AK4: variants seen among roughly 807,000 people sequenced by gnomAD.
The protein encoded by AK4 is adenylate kinase 4, also known as adenylate kinase 4, mitochondrial.
Under a neutral mutation model 24.6 loss-of-function variants are expected in AK4, and 13 were observed. The ratio of observed to expected loss-of-function variants is 0.53; its 90% CI spans 0.34 to 0.84. The LOEUF is 0.84. Among genes scored for constraint, AK4 ranks in the 40% least tolerant of loss-of-function variants. AK4 has a pLI of 0.01. For missense variants in AK4, 192 were observed against 288.2 expected, an observed-to-expected ratio of 0.67 and a Z score of 2.42; for synonymous variants, 88 against 107.0, an observed-to-expected ratio of 0.82 and a Z score of 1.10.
At chr1:65,193,672 C>T (rs1448121655) in intron 2 of AK4, among the ~76,000 whole-genome samples, 1 of 152,214 alleles carries the variant, frequency 6.6e-6, no homozygotes, top group Admixed American at 6.5e-5. Flanking sequence ...CATGCTTACT[C>T]AAGCCCCACG....
At chr1:65,193,947 C>A (rs1270825240) in intron 2 of AK4, among the ~76,000 whole-genome samples, 1 of 152,154 alleles carries the variant, frequency 6.6e-6, no homozygotes, top group African/African-American at 2.4e-5. Context: ...CAAAAATTAG[C>A]CGGGTGTGGT....
At chr1:65,176,017 A>G (rs950221648) in intron 1 of AK4, among the ~76,000 whole-genome samples, 1 of 152,210 alleles carries the variant, frequency 6.6e-6, no homozygotes, top group Non-Finnish European at 1.5e-5. Context: ...TTTTTGGCTT[A>G]TGAAGCTCCA....
intron 3 of AK4, among the ~76,000 whole-genome samples, chr1:65,224,142 A>G (rs1346009737): frequency 6.6e-6 from 1 of 152,224 alleles, no homozygotes; most frequent in Non-Finnish European, 1.5e-5. Flanking sequence ...CTTTTGAGTA[A>G]TATAATTTAG....
chr1:65,216,632 T>G (rs933630217), intron 2 of AK4, among the ~76,000 whole-genome samples: 1 of 145,226 alleles, frequency 6.9e-6, no homozygotes, highest in Non-Finnish European at 1.5e-5. Flanking sequence ...ACCTTTCTTT[T>G]TTTTTCTTTT....
chr1:65,199,690 G>T (rs1036051702), intron 2 of AK4, among the ~76,000 whole-genome samples: 1 of 152,236 alleles, frequency 6.6e-6, no homozygotes, highest in Admixed American at 6.5e-5. Context: ...TAAAACCCAA[G>T]ACCTATGTTT....
At chr1:65,199,367 G>A (rs949459453) in intron 2 of AK4, among the ~76,000 whole-genome samples, 11 of 152,250 alleles carry the variant, frequency 7.2e-5, no homozygotes, top group Non-Finnish European at 1.2e-4. Flanking sequence ...GGCCAACATG[G>A]TGAAACCCCA....
At chr1:65,215,958 A>T (rs183346435) in intron 2 of AK4, among the ~76,000 whole-genome samples, 1 of 152,320 alleles carries the variant, frequency 6.6e-6, no homozygotes, top group East Asian at 1.9e-4. Flanking sequence ...TCAAGGTCAC[A>T]GTTAGTGATG....
intron 2 of AK4, among the ~76,000 whole-genome samples, chr1:65,191,626 A>G (rs775182169): frequency 6.6e-6 from 1 of 151,678 alleles, no homozygotes; most frequent in Non-Finnish European, 1.5e-5. Context: ...TGAGCCTGCA[A>G]GCAGAGGTTG....
intron 1 of AK4, among the ~76,000 whole-genome samples, chr1:65,153,872 G>T (rs770525985): frequency 1.3e-5 from 2 of 152,122 alleles, no homozygotes; most frequent in Non-Finnish European, 2.9e-5. Flanking sequence ...TTAGCATAGC[G>T]TGTCTGAGGA....
At chr1:65,198,266 C>T (rs2101051994) in intron 2 of AK4, among the ~76,000 whole-genome samples, 1 of 152,310 alleles carries the variant, frequency 6.6e-6, no homozygotes, top group Non-Finnish European at 1.5e-5. Context: ...TGGAGCTCTA[C>T]TAGGGTGCTG....
At chr1:65,172,855 ATTTT>A (rs11408059) in intron 1 of AK4, among the ~76,000 whole-genome samples, 1 of 110,910 alleles carries the variant, frequency 9.0e-6, no homozygotes. Context: ...CCAGCAAGAG[ATTTT>A]TTTTTTTTTT....
intron 4 of AK4, 118 bp from the exon 5 acceptor site, chr1:65,225,945 T>G (rs932722204): frequency 5.6e-6 from 6 of 1,067,404 alleles, no homozygotes; most frequent in African/African-American, 1.6e-5. Flanking sequence ...GTTTTAGCAC[T>G]TAGTGTGGTA....
At chr1:65,207,142 T>C (rs1192491675) in intron 2 of AK4, among the ~76,000 whole-genome samples, 1 of 152,214 alleles carries the variant, frequency 6.6e-6, no homozygotes, top group Non-Finnish European at 1.5e-5. Context: ...TATCAGTGGA[T>C]CACCAAGTAG....
At chr1:65,169,372 A>C (rs1650436863) in intron 1 of AK4, among the ~76,000 whole-genome samples, 1 of 152,122 alleles carries the variant, frequency 6.6e-6, no homozygotes, top group African/African-American at 2.4e-5. Context: ...CAAATGACTT[A>C]GTGATGCAAA....
At chr1:65,183,475 C>A (rs1650976532) in intron 1 of AK4, among the ~76,000 whole-genome samples, 1 of 152,104 alleles carries the variant, frequency 6.6e-6, no homozygotes, top group Non-Finnish European at 1.5e-5. Context: ...AACTCCTGAG[C>A]TTGGGCAACC....
At chr1:65,225,799 C>T (rs556846925) in intron 4 of AK4, among the ~76,000 whole-genome samples, 1 of 152,006 alleles carries the variant, frequency 6.6e-6, no homozygotes, top group African/African-American at 2.4e-5. Flanking sequence ...TTGGAATGGC[C>T]CCTATAATGC....
chr1:65,222,392 G>A lies in AK4; in HGVS notation c.439-2360G>A, dbSNP rs1652325849. ...GATCTTTGTTAGAAAATGATTTGGG[G>A]CTGCTTTTCATTAAAGAGAAAAGCC... On this transcript the variant is annotated intron_variant, in intron 3 of 4. Transcript: ENST00000327299. 1.3e-5 allele frequency among the ~76,000 whole-genome samples: 2 copies of A among 152,108 alleles called. 1 individual carries two copies. Among genetic ancestry groups the A allele is most frequent in the South Asian group, 4.1e-4 (2 of 4,828 alleles).
At chr1:65,189,705 A>G (rs1035625055) in intron 1 of AK4, among the ~76,000 whole-genome samples, 2 of 151,870 alleles carry the variant, frequency 1.3e-5, no homozygotes, top group African/African-American at 4.8e-5. Context: ...TTAGAAATGT[A>G]CAGATTTAAA....
intron 1 of AK4, among the ~76,000 whole-genome samples, chr1:65,167,975 CTT>C (rs34786923): frequency 3.7e-4 from 56 of 152,180 alleles, no homozygotes; most frequent in African/African-American, 1.3e-3. Flanking sequence ...CTTAAGTTGT[CTT>C]TTTTTCCCCA....
Sources: allele counts gnomAD v4.1 joint callset (sites outside exome capture counted in the v4.1 genomes callset), GRCh38; gene constraint gnomAD v4.1.1; transcripts MANE v1.5; gene names NCBI Gene and HGNC (gene_info 2026-07-23, HGNC 2026-07-21).